Variants in EHBP1 observed in about 807,000 individuals in gnomAD.
EHBP1 encodes EH domain-binding protein 1.
EHBP1 carries 55 observed loss-of-function variants against 144.0 expected under a neutral mutation model. That is an observed-to-expected ratio of 0.38 (90% CI 0.31 to 0.48). The LOEUF (loss-of-function observed/expected upper bound fraction) is 0.48, where lower values mean the gene tolerates loss of function less well. Ranked by LOEUF, EHBP1 falls within the 20% of genes least tolerant of loss-of-function variation. The pLI, the probability that EHBP1 is intolerant of heterozygous loss-of-function variation, is 0.98. For synonymous variants in EHBP1, 469 were observed against 472.7 expected (o/e 0.99, Z 0.10); for missense variants, 1,200 against 1,364.2 (o/e 0.88, Z 1.90).
intron 7 of EHBP1, among the ~76,000 whole-genome samples, chr2:62,858,826 A>T (rs1039638873): frequency 2.0e-5 from 3 of 152,206 alleles, no homozygotes; most frequent in Non-Finnish European, 2.9e-5. Context: ...TGCTTATCAT[A>T]AGCCCATTTC....
In EHBP1 at chr2:62,942,749, G is replaced by A. The variant is rs148469727; in HGVS notation, c.1217G>A (p.Arg406Gln). 5.3e-5 allele frequency: 86 copies of A among 1,608,052 alleles called. 2 individuals carry two copies. Among genetic ancestry groups the A allele is most frequent in the South Asian group, 5.2e-4 (47 of 90,084 alleles). Residue 406 changes from arginine (R) to glutamine (Q), a missense_variant, in exon 11 of 23, where the codon CGA becomes CAA. Transcript: ENST00000431489. ...CCTATACCAAGTCCTGTTTTGGGGCGAAAGCCAAATGCTAGTCAGTCTTTG... is the reference window on the plus strand; with the variant it reads ...CCTATACCAAGTCCTGTTTTGGGGCAAAAGCCAAATGCTAGTCAGTCTTTG... Reference protein sequence around the residue: ...PSPIPSPVLGRKPNASQSLLV... With the variant: ...PSPIPSPVLGQKPNASQSLLV...
chr2:62,851,283 GC>G (rs2048676636), intron 7 of EHBP1, among the ~76,000 whole-genome samples: 1 of 152,152 alleles, frequency 6.6e-6, no homozygotes, highest in Admixed American at 6.5e-5. Flanking sequence ...TAGGACAGCT[GC>G]CAGCCCCATC....
intron 3 of EHBP1, among the ~76,000 whole-genome samples, chr2:62,750,657 G>A (rs984966357): frequency 6.6e-5 from 10 of 151,868 alleles, no homozygotes; most frequent in South Asian, 4.2e-4. Flanking sequence ...CTTTTATTTC[G>A]CTGAGCAGTG....
At position 62,990,725 on chromosome 2, in the gene EHBP1, G is replaced by A; in HGVS notation, c.2618G>A (p.Ser873Asn). ...TTTGCATATTTAACAGAACAAAACA[G>A]TAAGTTGGTGGACTTGAAGCTGAAG... ...ERSKASGEQN[S>N]KLVDLKLKKL... The change falls in exon 16 of 23, where the codon AGT becomes AAT. Residue 873 changes from serine (S) to asparagine (N), a missense_variant. Ser to Asn is a conservative substitution (Grantham distance 46). Around this residue, in one of 6 missense-constraint regions of EHBP1, gnomAD observed 543 missense variants for 513.1 expected, o/e 1.06. Transcript: ENST00000431489. 1 of 1,613,766 alleles carries A rather than the reference G, an allele frequency of 6.2e-7. No homozygotes were observed. The highest frequency in any genetic ancestry group is 8.5e-7 in the Non-Finnish European group (1 of 1,179,772).
At chr2:62,833,675 A>G (rs2046995615) in intron 7 of EHBP1, among the ~76,000 whole-genome samples, 1 of 152,232 alleles carries the variant, frequency 6.6e-6, no homozygotes, top group South Asian at 2.1e-4. Flanking sequence ...TGGTTGCCCA[A>G]GAGCTGTGAT....
chr2:62,961,952 C>T (rs746518010), intron 14 of EHBP1, among the ~76,000 whole-genome samples: 2 of 152,098 alleles, frequency 1.3e-5, no homozygotes, highest in African/African-American at 4.8e-5. Context: ...TGCTTGAACT[C>T]GGGAGGCGAA....
chr2:62,775,766 C>A (rs2042014968), intron 5 of EHBP1, among the ~76,000 whole-genome samples: 1 of 152,194 alleles, frequency 6.6e-6, no homozygotes, highest in Admixed American at 6.5e-5. Context: ...CAGATATAAC[C>A]CTATTTTACA....
intron 2 of EHBP1, among the ~76,000 whole-genome samples, chr2:62,710,955 A>G (rs985171235): frequency 1.3e-5 from 2 of 152,214 alleles, no homozygotes; most frequent in African/African-American, 4.8e-5. Flanking sequence ...ATGAGCCTTG[A>G]TGTAAATAAC....
At chr2:63,039,984 A>T (rs1390406901) in intron 21 of EHBP1, among the ~76,000 whole-genome samples, 1 of 152,034 alleles carries the variant, frequency 6.6e-6, no homozygotes, top group African/African-American at 2.4e-5. Context: ...AATTTGTCAA[A>T]ATTATTTAAG....
intron 9 of EHBP1, among the ~76,000 whole-genome samples, chr2:62,866,722 A>T (rs920603176): frequency 3.3e-5 from 5 of 152,206 alleles, no homozygotes; most frequent in Non-Finnish European, 5.9e-5. Context: ...ATAACAAAGG[A>T]TCAGTGAACT....
At chr2:62,961,676 A>T (rs1340280206) in intron 14 of EHBP1, among the ~76,000 whole-genome samples, 1 of 152,128 alleles carries the variant, frequency 6.6e-6, no homozygotes, top group Non-Finnish European at 1.5e-5. Flanking sequence ...TAATTTTTTC[A>T]AGAAAATATT....
chr2:62,982,633 C>G (rs2059020506), intron 15 of EHBP1, among the ~76,000 whole-genome samples: 1 of 152,044 alleles, frequency 6.6e-6, no homozygotes, highest in African/African-American at 2.4e-5. Context: ...TAACTTGAGA[C>G]CAGCCTAGAT....
chr2:62,702,606 C>T (rs1280923184), upstream of EHBP1, among the ~76,000 whole-genome samples: 1 of 152,120 alleles, frequency 6.6e-6, no homozygotes, highest in Non-Finnish European at 1.5e-5. Flanking sequence ...AATCCTGAGT[C>T]CACCTAAATT....
chr2:62,829,498 G>A (rs1416428439), intron 6 of EHBP1, among the ~76,000 whole-genome samples: 1 of 151,274 alleles, frequency 6.6e-6, no homozygotes, highest in East Asian at 1.9e-4. Flanking sequence ...TTAGAATAAT[G>A]GTCTCCAACT....
intron 2 of EHBP1, among the ~76,000 whole-genome samples, chr2:62,730,440 A>G (rs1307988849): frequency 2.6e-5 from 4 of 152,140 alleles, no homozygotes; most frequent in Non-Finnish European, 4.4e-5. Flanking sequence ...TCAGTCATCA[A>G]TATGCATTGA....
chr2:62,988,265 CTT>C (rs2059279531), intron 15 of EHBP1, among the ~76,000 whole-genome samples: 1 of 151,982 alleles, frequency 6.6e-6, no homozygotes, highest in Non-Finnish European at 1.5e-5. Context: ...TTTGTGTTCT[CTT>C]GTTACTAAGA....
chr2:62,977,687 A>G (rs932782363), intron 14 of EHBP1, among the ~76,000 whole-genome samples: 1 of 152,176 alleles, frequency 6.6e-6, no homozygotes, highest in East Asian at 1.9e-4. Context: ...TTATGTGCTA[A>G]AGACCAGAGA....
chr2:62,856,243 G>A (rs985897540), intron 7 of EHBP1, among the ~76,000 whole-genome samples: 2 of 152,230 alleles, frequency 1.3e-5, no homozygotes, highest in African/African-American at 4.8e-5. Context: ...TGCAGGTGAA[G>A]AGGAGAGAAG....
chr2:62,826,346 T>C, intron 6 of EHBP1, 78 bp downstream of exon 6: 1 of 1,316,484 alleles, frequency 7.6e-7, no homozygotes. Flanking sequence ...AGACTGGCAA[T>C]AGTTGAACAT....
Sources: allele counts gnomAD v4.1 joint callset (sites outside exome capture counted in the v4.1 genomes callset), GRCh38; gene constraint gnomAD v4.1.1; regional missense constraint gnomAD v4.1.1; transcripts MANE v1.5; gene names NCBI Gene and HGNC (gene_info 2026-07-23, HGNC 2026-07-21).